The following PLPPR1 variants were observed in gnomAD, a reference collection of about 807,000 sequenced individuals.
PLPPR1 encodes the protein phospholipid phosphatase-related protein type 1.
PLPPR1 carries 10 observed loss-of-function variants against 33.1 expected under a neutral mutation model. That is an observed-to-expected ratio of 0.30 (90% CI 0.19 to 0.51). The LOEUF is 0.51. Among genes scored for constraint, PLPPR1 ranks in the 20% least tolerant of loss-of-function variants. The probability of loss-of-function intolerance (pLI) is 0.97; values close to 1 mark genes in which losing one functional copy is unlikely to be tolerated. For synonymous variants in PLPPR1, 151 were observed against 151.0 expected (o/e 1.00, Z 0.00); for missense variants, 304 against 408.1 (o/e 0.74, Z 2.20).
At chr9:101,141,678 A>G (rs1831452448) in intron 1 of PLPPR1, among the ~76,000 whole-genome samples, 1 of 152,214 alleles carries the variant, frequency 6.6e-6, no homozygotes, top group Non-Finnish European at 1.5e-5. Context: ...AAGTAAAAAT[A>G]GTAGATTGAA....
intron 2 of PLPPR1, among the ~76,000 whole-genome samples, chr9:101,199,460 A>G (rs1826455469): frequency 1.3e-5 from 2 of 152,134 alleles, no homozygotes; most frequent in South Asian, 4.1e-4. Flanking sequence ...TATTTTCCCC[A>G]TAAATTTACT....
intron 1 of PLPPR1, among the ~76,000 whole-genome samples, chr9:101,080,483 G>A (rs1830603517): frequency 6.6e-6 from 1 of 152,038 alleles, no homozygotes. Context: ...CCACTGCATT[G>A]CAGCCTGGGC....
intron 4 of PLPPR1, among the ~76,000 whole-genome samples, chr9:101,299,671 A>G (rs1225492918): frequency 6.6e-6 from 1 of 152,172 alleles, no homozygotes; most frequent in Non-Finnish European, 1.5e-5. Flanking sequence ...GGACTCCAAT[A>G]AAGGACTGAG....
intron 1 of PLPPR1, among the ~76,000 whole-genome samples, chr9:101,043,788 C>T (rs1010407300): frequency 6.6e-6 from 1 of 151,904 alleles, no homozygotes; most frequent in Admixed American, 6.6e-5. Context: ...CCCTTTTCAC[C>T]GCATGCACCC....
At chr9:101,238,168 T>C (rs1237620312) in intron 2 of PLPPR1, among the ~76,000 whole-genome samples, 1 of 137,510 alleles carries the variant, frequency 7.3e-6, no homozygotes, top group African/African-American at 2.6e-5. Context: ...CACACATATA[T>C]ATACCCTATA....
Position 101,176,237 on chromosome 9 carries a change from A to T in PLPPR1, c.-45-9213A>T, listed in dbSNP as rs117264641. The stretch of plus-strand genomic sequence containing the variant: ...CCACCTCCACCTACTAGAAAGATTG[A>T]ATTAAGTGCTTAGATATCCACCCTG... On this transcript the variant is annotated intron_variant, in intron 1 of 7. Coordinates refer to ENST00000374874, the MANE Select transcript of PLPPR1 (RefSeq NM_207299.2). 9.2e-3 allele frequency among the ~76,000 whole-genome samples: 1,406 copies of T among 152,298 alleles called. 8 individuals are homozygous for T. Among genetic ancestry groups the T allele is most frequent in the Middle Eastern group, 0.02 (6 of 294 alleles).
intron 3 of PLPPR1, among the ~76,000 whole-genome samples, chr9:101,280,177 T>G (rs1297071391): frequency 6.6e-6 from 1 of 152,020 alleles, no homozygotes; most frequent in Non-Finnish European, 1.5e-5. Flanking sequence ...GTCAATAAAT[T>G]GCAAAACCTA....
intron 3 of PLPPR1, among the ~76,000 whole-genome samples, chr9:101,278,294 G>GT (rs1315300389): frequency 6.6e-6 from 1 of 152,092 alleles, no homozygotes; most frequent in Non-Finnish European, 1.5e-5. Flanking sequence ...CGTACCACAT[G>GT]TTTTTTAAAA....
chr9:101,093,393 T>C (rs1830773722), intron 1 of PLPPR1, among the ~76,000 whole-genome samples: 1 of 152,164 alleles, frequency 6.6e-6, no homozygotes, highest in South Asian at 2.1e-4. Flanking sequence ...TTCAGAAAAA[T>C]TCATTCATTA....
chr9:101,318,523 G>A (rs912359604), intron 7 of PLPPR1, among the ~76,000 whole-genome samples: 15 of 152,192 alleles, frequency 9.9e-5, no homozygotes, highest in African/African-American at 3.6e-4. Flanking sequence ...TGTAATCCCA[G>A]CACATTGGGA....
intron 5 of PLPPR1, among the ~76,000 whole-genome samples, chr9:101,311,441 A>G (rs1449444138): frequency 6.6e-6 from 1 of 152,206 alleles, no homozygotes; most frequent in Non-Finnish European, 1.5e-5. Context: ...TACTATGAAG[A>G]ATACCAACTA....
Position 101,309,399 on chromosome 9 carries a change from G to C in PLPPR1, c.574G>C (p.Ala192Pro). ...CTGDLEVIEK[A>P]RRSFPSKHAA... ...TGGGGACCTGGAAGTGATAGAAAAG[G>C]CTCGGAGATCCTTTCCCTCCAAACA... The change falls in exon 5 of 8, where the codon GCT becomes CCT. Residue 192 changes from alanine (A) to proline (P), a missense_variant. Coordinates refer to ENST00000374874, the MANE Select transcript of PLPPR1 (RefSeq NM_207299.2). 6.2e-7 allele frequency: 1 copy of C among 1,614,040 alleles called. No individual in the cohort carries two copies. The highest frequency in any genetic ancestry group is 8.5e-7 in the Non-Finnish European group (1 of 1,180,004).
At chr9:101,296,585 G>A (rs1285760568) in intron 4 of PLPPR1, among the ~76,000 whole-genome samples, 1 of 152,190 alleles carries the variant, frequency 6.6e-6, no homozygotes, top group African/African-American at 2.4e-5. Flanking sequence ...TAACGAAAAT[G>A]TGGCACATAT....
intron 1 of PLPPR1, among the ~76,000 whole-genome samples, chr9:101,121,251 T>A (rs1173256151): frequency 6.6e-6 from 1 of 152,216 alleles, no homozygotes; most frequent in Non-Finnish European, 1.5e-5. Flanking sequence ...TAGCATTCAT[T>A]GAGCTCCTAT....
chr9:101,062,959 C>G lies in PLPPR1; in HGVS notation c.-46+33857C>G, dbSNP rs896433601. 2.0e-5 allele frequency among the ~76,000 whole-genome samples: 3 copies of G among 151,938 alleles called. No homozygotes were observed. The South Asian group carries it at 6.2e-4, about 31-fold the overall frequency. On this transcript the variant is annotated intron_variant, in intron 1 of 7. Transcript: ENST00000374874. ...CATGCTCAAAGTTCAGTTTTGGGAG[C>G]AGCGGGAATGGGCTTGGCTTGATAA...
Position 101,309,251 on chromosome 9 carries a change from A to T in PLPPR1, c.426A>T (p.Val142=). 1 of 1,614,164 alleles carries T rather than the reference A, an allele frequency of 6.2e-7. No individual in the cohort carries two copies. The highest frequency in any genetic ancestry group is 1.3e-5 in the African/African-American group (1 of 75,040). Reference sequence around the variant, plus strand: ...GACTTTTTGCTACTGACATTTTTGTAAACGCCGGACAAGTGGTCACTGGGC... The same window carrying T: ...GACTTTTTGCTACTGACATTTTTGTTAACGCCGGACAAGTGGTCACTGGGC... ...AFGLFATDIF[V]NAGQVVTGHL... The change falls in exon 5 of 8, where the codon GTA becomes GTT. Residue 142 remains valine (V), a synonymous_variant. Transcript: ENST00000374874.
At chr9:101,097,854 A>G (rs1016249157) in intron 1 of PLPPR1, among the ~76,000 whole-genome samples, 1 of 152,166 alleles carries the variant, frequency 6.6e-6, no homozygotes, top group Non-Finnish European at 1.5e-5. Context: ...AAGAGGGCCC[A>G]GCTAAGGCAA....
intron 1 of PLPPR1, among the ~76,000 whole-genome samples, chr9:101,142,480 G>A (rs1831464039): frequency 6.6e-6 from 1 of 152,160 alleles, no homozygotes; most frequent in South Asian, 2.1e-4. Context: ...GGGATAAGAG[G>A]AACTCCTACG....
intron 1 of PLPPR1, among the ~76,000 whole-genome samples, chr9:101,140,466 C>T (rs1004032716): frequency 4.6e-5 from 7 of 152,088 alleles, no homozygotes; most frequent in African/African-American, 9.7e-5. Context: ...TATCTTTACA[C>T]GTATTGGCAA....
Sources: gnomAD v4.1 joint callset for allele counts (sites outside exome capture counted in the v4.1 genomes callset) on GRCh38, gnomAD v4.1.1 for gene constraint, MANE v1.5 for transcripts, NCBI Gene and HGNC (gene_info 2026-07-23, HGNC 2026-07-21) for gene names.